The following MPPED2 variants were observed in gnomAD, a reference collection of about 807,000 sequenced individuals.
MPPED2 encodes metallophosphoesterase domain containing 2, also known as metallophosphoesterase MPPED2.
MPPED2 carries 5 observed loss-of-function variants against 33.0 expected under a neutral mutation model. The ratio of observed to expected loss-of-function variants is 0.15; its 90% CI spans 0.08 to 0.32. MPPED2 has a LOEUF of 0.32. Ranked by LOEUF, MPPED2 falls within the 10% of genes least tolerant of loss-of-function variation. MPPED2 has a pLI of 1.00. For missense variants in MPPED2, 275 were observed against 372.1 expected (o/e 0.74, Z 2.15); for synonymous variants, 136 against 141.9 (o/e 0.96, Z 0.29).
At chr11:30,438,116 A>C (rs1348502049) in intron 4 of MPPED2, among the ~76,000 whole-genome samples, 3 of 152,222 alleles carry the variant, frequency 2.0e-5, no homozygotes, top group Non-Finnish European at 4.4e-5. Context: ...CATAAGCGCT[A>C]GGTGTTTATT....
At chr11:30,535,501 C>T (rs1303601823) in intron 3 of MPPED2, among the ~76,000 whole-genome samples, 1 of 152,164 alleles carries the variant, frequency 6.6e-6, no homozygotes, top group Non-Finnish European at 1.5e-5. Flanking sequence ...CTAGAACACC[C>T]TCCAGCTCAC....
At chr11:30,526,023 CTTAA>C (rs1268573976) in intron 3 of MPPED2, among the ~76,000 whole-genome samples, 4 of 152,120 alleles carry the variant, frequency 2.6e-5, no homozygotes, top group African/African-American at 9.7e-5. Flanking sequence ...AAGTACTTTA[CTTAA>C]TTCTGTTATC....
chr11:30,517,558 C>T (rs1953601820), intron 3 of MPPED2, among the ~76,000 whole-genome samples: 1 of 152,062 alleles, frequency 6.6e-6, no homozygotes, highest in South Asian at 2.1e-4. Flanking sequence ...CTGGACTATC[C>T]ACGTCGAGAA....
intron 3 of MPPED2, among the ~76,000 whole-genome samples, chr11:30,498,817 A>C (rs1565128281): frequency 6.6e-6 from 1 of 152,204 alleles, no homozygotes; most frequent in Non-Finnish European, 1.5e-5. Flanking sequence ...ATTACTGAGC[A>C]AATAGTAGAG....
chr11:30,556,822 G>T (rs1039546810), intron 2 of MPPED2, among the ~76,000 whole-genome samples: 1 of 151,952 alleles, frequency 6.6e-6, no homozygotes, highest in Non-Finnish European at 1.5e-5. Flanking sequence ...TGTAGATTTT[G>T]CCTTGTCTGC....
exon 7 of MPPED2, chr11:30,386,684 A>C: frequency 2.5e-6 from 1 of 398,492 alleles, no homozygotes; most frequent in Non-Finnish European, 4.4e-6. Context: ...CAGAACTCAA[A>C]TCAGATGAAC....
intron 4 of MPPED2, among the ~76,000 whole-genome samples, chr11:30,450,826 T>C (rs1950025531): frequency 6.6e-6 from 1 of 152,200 alleles, no homozygotes; most frequent in Non-Finnish European, 1.5e-5. Flanking sequence ...AGATAGATTA[T>C]TAGCCCCCTT....
At chr11:30,562,429 A>T (rs1001438118) in intron 2 of MPPED2, among the ~76,000 whole-genome samples, 1 of 152,302 alleles carries the variant, frequency 6.6e-6, no homozygotes, top group Non-Finnish European at 1.5e-5. Flanking sequence ...TTTCCATCAC[A>T]GGCTGCCTCC....
At chr11:30,534,380 AG>A (rs950393744) in intron 3 of MPPED2, among the ~76,000 whole-genome samples, 7 of 152,220 alleles carry the variant, frequency 4.6e-5, no homozygotes, top group Non-Finnish European at 7.3e-5. Flanking sequence ...TAGAGAAAAA[AG>A]ACATAAGCGA....
At chr11:30,517,192 A>AT (rs1275579217) in intron 3 of MPPED2, among the ~76,000 whole-genome samples, 1 of 151,996 alleles carries the variant, frequency 6.6e-6, no homozygotes, top group Non-Finnish European at 1.5e-5. Flanking sequence ...CTATCCCCCC[A>AT]TACTCCCCAT....
chr11:30,475,493 G>A (rs369386065), intron 4 of MPPED2, among the ~76,000 whole-genome samples: 26 of 151,960 alleles, frequency 1.7e-4, no homozygotes, highest in African/African-American at 4.8e-4. Flanking sequence ...TGATCTTTTC[G>A]TCACTTTAAA....
At chr11:30,535,147 T>G (rs1954743560) in intron 3 of MPPED2, among the ~76,000 whole-genome samples, 1 of 152,216 alleles carries the variant, frequency 6.6e-6, no homozygotes, top group African/African-American at 2.4e-5. Flanking sequence ...TTAAAAAATT[T>G]TCAAACCCTG....
At chr11:30,499,533 T>A (rs959790394) in intron 3 of MPPED2, among the ~76,000 whole-genome samples, 20 of 152,168 alleles carry the variant, frequency 1.3e-4, no homozygotes, top group African/African-American at 4.3e-4. Flanking sequence ...CCCACTCCCA[T>A]AAGCACCTTC....
At chr11:30,480,009 AG>A (rs1590463986) in intron 4 of MPPED2, among the ~76,000 whole-genome samples, 1 of 152,142 alleles carries the variant, frequency 6.6e-6, no homozygotes, top group East Asian at 1.9e-4. Context: ...TATGCACCAA[AG>A]GAATCATGTC....
At chr11:30,396,342 T>C (rs1027598194) in intron 6 of MPPED2, among the ~76,000 whole-genome samples, 1 of 152,156 alleles carries the variant, frequency 6.6e-6, no homozygotes, top group African/African-American at 2.4e-5. Flanking sequence ...CTCCAGCCTT[T>C]AGCAGCTGCC....
At chr11:30,579,538 G>C (rs773422919) in intron 2 of MPPED2, among the ~76,000 whole-genome samples, 2 of 152,148 alleles carry the variant, frequency 1.3e-5, no homozygotes, top group Non-Finnish European at 2.9e-5. Flanking sequence ...GTGCAACCAG[G>C]TGCTGCAAAA....
rs192359399 is a variant in MPPED2 at position 30,434,401 on chromosome 11, G to A, written c.537-16768C>T. 3.9e-5 allele frequency among the ~76,000 whole-genome samples: 6 copies of A among 152,220 alleles called. No individual in the cohort carries two copies. In the East Asian group the frequency reaches 9.7e-4, roughly 25 times the overall value. On this transcript the variant is annotated intron_variant, in intron 4 of 6. Coordinates refer to ENST00000358117, the MANE Select transcript of MPPED2 (RefSeq NM_001584.3). ...CCACAATAGCCCCTGAACAGCAGAG[G>A]TGAGATAAAAAGAGGAGTGCAGGGC...
At chr11:30,416,441 AT>A (rs201169998) in intron 5 of MPPED2, among the ~76,000 whole-genome samples, 3 of 151,844 alleles carry the variant, frequency 2.0e-5, no homozygotes, top group East Asian at 3.9e-4. Flanking sequence ...AATGAATGTT[AT>A]TTTTTTTTCT....
At chr11:30,547,315 A>G (rs749870532) in intron 2 of MPPED2, among the ~76,000 whole-genome samples, 13 of 152,250 alleles carry the variant, frequency 8.5e-5, no homozygotes, top group Non-Finnish European at 1.5e-4. Context: ...AACATTTACT[A>G]AGCAATAACT....
Sources: allele counts gnomAD v4.1 joint callset (sites outside exome capture counted in the v4.1 genomes callset), GRCh38; gene constraint gnomAD v4.1.1; transcripts MANE v1.5; gene names NCBI Gene and HGNC (gene_info 2026-07-23, HGNC 2026-07-21).